Variants in TNKS1BP1 observed in about 807,000 individuals in gnomAD.
TNKS1BP1 encodes the protein CCR4-NOT transcription complex subunit 12, also known as 182 kDa tankyrase-1-binding protein.
A neutral mutation model predicts 141.1 loss-of-function variants in TNKS1BP1; 48 were observed. That is an observed-to-expected ratio of 0.34 (90% CI 0.27 to 0.43). The LOEUF is 0.43. TNKS1BP1 is among the 20% of genes least tolerant of loss of function. The pLI, the probability that TNKS1BP1 is intolerant of heterozygous loss-of-function variation, is 1.00. For synonymous variants in TNKS1BP1, 875 were observed against 898.2 expected, an observed-to-expected ratio of 0.97 and a Z score of 0.46; for missense variants, 2,149 against 2,226.0, an observed-to-expected ratio of 0.97 and a Z score of 0.70.
At position 57,313,355 on chromosome 11, in the gene TNKS1BP1, C is replaced by A. The variant is rs540719653; in HGVS notation, c.1333G>T (p.Gly445Cys). ...SPSQDQEKLG[G>C]SLAALPQGQG... The stretch of plus-strand genomic sequence containing the variant: ...CCTTGGGGCAGGGCAGCCAGCGAGC[C>A]CCCCAGCTTCTCCTGGTCCTGACTG... Residue 445 changes from glycine (G) to cysteine (C), a missense_variant, in exon 5 of 12, where the codon GGC becomes TGC. Gly to Cys is a radical substitution (Grantham distance 159). Coordinates refer to ENST00000358252, the MANE Select transcript of TNKS1BP1 (RefSeq NM_033396.3). The A allele has an allele frequency of 1.6e-5, 25 of 1,612,676 alleles. No homozygotes were observed. In the South Asian group the frequency reaches 2.7e-4, roughly 18 times the overall value.
chr11:57,314,331 C>T (rs186309001), intron 4 of TNKS1BP1, among the ~76,000 whole-genome samples: 12 of 152,240 alleles, frequency 7.9e-5, no homozygotes, highest in African/African-American at 2.4e-4. Flanking sequence ...AAGCAGGATT[C>T]GAGGTGCAGT....
chr11:57,306,903 T>G (rs1041046917), intron 6 of TNKS1BP1, among the ~76,000 whole-genome samples: 52 of 70,204 alleles, frequency 7.4e-4, no homozygotes, highest in African/African-American at 1.2e-3. Flanking sequence ...GCTGTGGTGG[T>G]GGGGGGGGGG....
intron 4 of TNKS1BP1, among the ~76,000 whole-genome samples, chr11:57,315,420 C>G (rs1565044922): frequency 6.6e-6 from 1 of 152,126 alleles, no homozygotes; most frequent in African/African-American, 2.4e-5. Flanking sequence ...TCTGCTTCAT[C>G]ATACTGTTTA....
intron 3 of TNKS1BP1, 42 bp downstream of exon 3, chr11:57,320,037 A>AACAAC: frequency 3.3e-6 from 3 of 910,378 alleles, no homozygotes; most frequent in Non-Finnish European, 1.6e-6. Context: ...ACCCCACCTG[A>AACAAC]CCTCCAGGCT....
intron 6 of TNKS1BP1, chr11:57,303,038 C>A: frequency 2.0e-6 from 1 of 503,816 alleles, no homozygotes; most frequent in Non-Finnish European, 3.3e-6. Context: ...ATCCCTGAGA[C>A]CTCGGGTGAG....
Position 57,302,691 on chromosome 11 carries a change from T to A in TNKS1BP1, c.4451A>T (p.Glu1484Val). The A allele has an allele frequency of 6.2e-7, 1 of 1,605,382 alleles. No homozygotes were observed. The highest frequency in any genetic ancestry group is 8.5e-7 in the Non-Finnish European group (1 of 1,177,642). ...GGCAGCACCTGCCCCGGCTCCTTCC[T>A]CCTCCAACAGGCCCCCAAGGCCCGA... ...AASGLGGLLE[E>V]EGAGAGAAQE... The change falls in exon 7 of 12, where the codon GAG (glutamate) becomes GTG (valine). Residue 1484 changes from glutamate (E) to valine (V), a missense_variant. Transcript: ENST00000358252. This position sits in a 1 kb window ranked among gnomAD's most constrained non-coding sequence, Gnocchi z 5.5.
At chr11:57,300,704 G>A in intron 10 of TNKS1BP1, 104 bp from the exon 11 acceptor site, 1 of 1,533,252 alleles carries the variant, frequency 6.5e-7, no homozygotes, top group Middle Eastern at 1.7e-4. Context: ...AGAAGAGGCA[G>A]TCTGGGGCCT....
Position 57,302,957 on chromosome 11 carries a change from C to T in TNKS1BP1, c.4317-132G>A. ...CTCCTTCCCATGCTTTTTCCAGACT[C>T]CAAGGACACGGTCAGGGCCTTGAGC... On this transcript the variant is annotated intron_variant, in intron 6 of 11. Coordinates refer to ENST00000358252, the MANE Select transcript of TNKS1BP1 (RefSeq NM_033396.3). This position sits in a 1 kb window ranked among gnomAD's most constrained non-coding sequence, Gnocchi z 5.5. 8.6e-7 allele frequency: 1 copy of T among 1,160,430 alleles called. No individual in the cohort carries two copies. The highest frequency in any genetic ancestry group is 1.2e-6 in the Non-Finnish European group (1 of 860,808). 71.9% of individuals were successfully genotyped at this position (1,160,430 alleles called of 1,614,324 possible).
Position 57,313,730 on chromosome 11 carries a change from C to G in TNKS1BP1, c.958G>C (p.Ala320Pro). ...SSPCHSQLLE[A>P]QTPEASQASP... is the part of the protein sequence containing the mutation. ...GCCTGGGAAGCTTCAGGAGTCTGGG[C>G]TTCCAGAAGCTGTGAGTGGCAGGGA... The change falls in exon 5 of 12, where the codon GCC (alanine) becomes CCC (proline). Residue 320 changes from alanine (A) to proline (P), a missense_variant. Coordinates refer to ENST00000358252, the MANE Select transcript of TNKS1BP1 (RefSeq NM_033396.3). 6.3e-7 allele frequency: 1 copy of G among 1,596,278 alleles called. No homozygotes were observed. The highest frequency in any genetic ancestry group is 8.5e-7 in the Non-Finnish European group (1 of 1,171,644).
intron 1 of TNKS1BP1, among the ~76,000 whole-genome samples, chr11:57,324,602 C>T (rs534271798): frequency 2.2e-4 from 30 of 136,560 alleles, no homozygotes; most frequent in African/African-American, 7.4e-4. Flanking sequence ...TTTCTTCTGG[C>T]TCTGCCAGCA....
At chr11:57,317,754 A>G in intron 4 of TNKS1BP1, 64 bp downstream of exon 4, 1 of 1,482,956 alleles carries the variant, frequency 6.7e-7, no homozygotes, top group Non-Finnish European at 9.4e-7. Context: ...AGAAAAGATG[A>G]TCTCATATGA....
At chr11:57,314,479 C>T (rs538367385) in intron 4 of TNKS1BP1, among the ~76,000 whole-genome samples, 74 of 152,288 alleles carry the variant, frequency 4.9e-4, no homozygotes, top group Middle Eastern at 3.4e-3. Context: ...CTGGCTTGAG[C>T]CGTCCCAGCA....
rs765826222 is a variant in TNKS1BP1 at position 57,320,383 on chromosome 11, C to T, written c.424G>A (p.Val142Ile). The T allele has an allele frequency of 2.5e-6, 4 of 1,613,884 alleles. No individual in the cohort carries two copies. The highest frequency in any genetic ancestry group is 2.2e-5 in the East Asian group (1 of 44,902). The change falls in exon 3 of 12, where the codon GTA becomes ATA. Residue 142 changes from valine to isoleucine, a missense_variant. By Grantham distance (29) the Val-to-Ile change is conservative. Transcript: ENST00000358252. ...CGGAAAGGGGCAGGGGCCTTCCGTACACCCCCTGGGGCTGCACATCGAGCT... is the reference window on the plus strand; with the variant it reads ...CGGAAAGGGGCAGGGGCCTTCCGTATACCCCCTGGGGCTGCACATCGAGCT... ...PPARCAAPGG[V>I]RKAPAPFRPA...
Position 57,310,502 on chromosome 11 carries a change from C to A in TNKS1BP1, c.2209G>T (p.Asp737Tyr). ...DLQSEFGITG[D>Y]PQPSSFSPSS... Reference sequence around the variant, plus strand: ...GGACTGAAACTGCTGGGCTGTGGGTCTCCTGTGATCCCAAATTCACTCTGC... The same window carrying A: ...GGACTGAAACTGCTGGGCTGTGGGTATCCTGTGATCCCAAATTCACTCTGC... The change falls in exon 6 of 12, where the codon GAC becomes TAC. Residue 737 changes from aspartate (D) to tyrosine (Y), a missense_variant. Transcript: ENST00000358252. 1 of 1,609,928 alleles carries A rather than the reference C, an allele frequency of 6.2e-7. No homozygotes were observed. The highest frequency in any genetic ancestry group is 8.5e-7 in the Non-Finnish European group (1 of 1,180,008).
chr11:57,320,863 C>A (rs1374146362), intron 2 of TNKS1BP1, 151 bp from the exon 3 acceptor site: 3 of 980,858 alleles, frequency 3.1e-6, no homozygotes, highest in African/African-American at 3.3e-5. Context: ...TTCCATGAAG[C>A]CTTCCTTGAT....
At chr11:57,322,359 GC>G (rs1159327612) in intron 1 of TNKS1BP1, 6 of 978,172 alleles carry the variant, frequency 6.1e-6, no homozygotes, top group Non-Finnish European at 7.3e-6. Context: ...GGAAAAACCC[GC>G]TCCTCCCCAA....
In TNKS1BP1 at chr11:57,309,891, A is replaced by C; in HGVS notation, c.2820T>G (p.Tyr940Ter). 1 of 1,614,056 alleles carries C rather than the reference A, an allele frequency of 6.2e-7. No individual in the cohort carries two copies. The highest frequency in any genetic ancestry group is 8.5e-7 in the Non-Finnish European group (1 of 1,180,010). Reference protein sequence around the residue: ...FQKRDVSLGTYGSRAAEPQEQ... With the variant: ...FQKRDVSLGT ...CCTGTGGCTCCGCAGCCCGGCTGCC[A>C]TAGGTGCCGAGTGACACATCTCTCT... The change falls in exon 6 of 12, where the codon TAT becomes TAG. Residue 940 changes from tyrosine (Y) to a stop codon, truncating the protein, a stop_gained. Coordinates refer to ENST00000358252, the MANE Select transcript of TNKS1BP1 (RefSeq NM_033396.3). LOFTEE classifies it high-confidence loss of function. This position sits in a 1 kb window ranked among gnomAD's most constrained non-coding sequence, Gnocchi z 4.3.
Position 57,309,152 on chromosome 11 carries a change from T to A in TNKS1BP1, c.3559A>T (p.Ser1187Cys), listed in dbSNP as rs1390861145. The change falls in exon 6 of 12, where the codon AGT (serine) becomes TGT (cysteine). Residue 1187 changes from serine to cysteine, a missense_variant. Coordinates refer to ENST00000358252, the MANE Select transcript of TNKS1BP1 (RefSeq NM_033396.3). This position sits in a 1 kb window ranked among gnomAD's most constrained non-coding sequence, Gnocchi z 4.3. ...GACCAGCCCATCTGTCCCACGGCAC[T>A]CTCCCTGGCCTCGCTCGAGCCCCCA... Reference protein sequence around the residue: ...GSGGSSEARESAVGQMGWSGG... With the variant: ...GSGGSSEARECAVGQMGWSGG... The A allele has an allele frequency of 6.2e-7, 1 of 1,614,020 alleles. No individual in the cohort carries two copies. The highest frequency in any genetic ancestry group is 8.5e-7 in the Non-Finnish European group (1 of 1,180,010).
In TNKS1BP1 at chr11:57,312,949, CCAGGTGTGCCCT is replaced by C; in HGVS notation, c.1727_1738del (p.Glu576_Pro579del). The C allele has an allele frequency of 1.9e-6, 3 of 1,613,800 alleles. No homozygotes were observed. Among genetic ancestry groups the C allele is most frequent in the Non-Finnish European group, 2.5e-6 (3 of 1,179,956 alleles). ...CTCCTCTGCCTGCTGCAAAGGTAAT[CCAGGTGTGCCCT>C]CAGTTGTAGGCAGGGGCTCAAGGGG... On this transcript the variant is annotated inframe_deletion, in exon 5 of 12. Transcript: ENST00000358252.
Sources: gnomAD v4.1 joint callset for allele counts (sites outside exome capture counted in the v4.1 genomes callset) on GRCh38, gnomAD v4.1.1 for gene constraint, Gnocchi (gnomAD v3.1) non-coding constraint, MANE v1.5 for transcripts, NCBI Gene and HGNC (gene_info 2026-07-23, HGNC 2026-07-21) for gene names.